The following MMS19 variants were observed in gnomAD, a reference collection of about 807,000 sequenced individuals.
The protein encoded by MMS19 is MMS19 cytosolic iron-sulfur assembly component, also known as MMS19 nucleotide excision repair protein homolog.
MMS19 carries 77 observed loss-of-function variants against 129.8 expected under a neutral mutation model. That is an observed-to-expected ratio of 0.59 (90% CI 0.49 to 0.72). The LOEUF (loss-of-function observed/expected upper bound fraction) is 0.72. Among genes scored for constraint, MMS19 ranks in the 30% least tolerant of loss-of-function variants. MMS19 has a pLI of 0.00. For synonymous variants in MMS19, 491 were observed against 502.8 expected (o/e 0.98, Z 0.31); for missense variants, 1,168 against 1,266.3 (o/e 0.92, Z 1.18).
chr10:97,465,972 G>A lies in MMS19; in HGVS notation c.1607-18C>T, dbSNP rs2033384816. The stretch of plus-strand genomic sequence containing the variant: ...TGACTCCCCTGAAAGCAACCCATGA[G>A]ACAAAGGTTTACTGTGTGATAGGAA... On this transcript the variant is annotated intron_variant, in intron 17 of 30. Coordinates refer to ENST00000438925, the MANE Select transcript of MMS19 (RefSeq NM_022362.5). 3.1e-6 allele frequency: 5 copies of A among 1,613,450 alleles called. No homozygotes were observed. The highest frequency in any genetic ancestry group is 2.7e-5 in the African/African-American group (2 of 74,938).
chr10:97,461,239 C>T (rs1054427085), intron 23 of MMS19: 1 of 605,010 alleles, frequency 1.7e-6, no homozygotes, highest in African/African-American at 1.8e-5. Context: ...AAGAATTATC[C>T]ACACTAGCCC....
At chr10:97,459,907 A>T in intron 26 of MMS19, 139 bp downstream of exon 26, 3 of 1,046,242 alleles carry the variant, frequency 2.9e-6, no homozygotes, top group Admixed American at 5.0e-5. Context: ...AAGTGGGACA[A>T]GAATCTAGAA....
chr10:97,480,452 T>C (rs1459314409), intron 3 of MMS19: 1 of 384,118 alleles, frequency 2.6e-6, no homozygotes, highest in South Asian at 2.0e-5. Flanking sequence ...TTGTCCTTTT[T>C]CCCCCTCAGG....
chr10:97,484,032 A>C, intron 2 of MMS19, 71 bp downstream of exon 2: 22 of 940,192 alleles, frequency 2.3e-5, no homozygotes, highest in Non-Finnish European at 3.3e-5. Flanking sequence ...GAAAGCAGCA[A>C]TGCGCAAAAG....
chr10:97,496,762 T>TAA (rs1252643788), intron 1 of MMS19, among the ~76,000 whole-genome samples: 1 of 152,190 alleles, frequency 6.6e-6, no homozygotes, highest in Non-Finnish European at 1.5e-5. Context: ...AACGTACACT[T>TAA]AAAGGTTTAT....
At position 97,461,845 on chromosome 10, in the gene MMS19, A is replaced by G. The variant is rs778660368; in HGVS notation, c.2167T>C (p.Cys723Arg). ...RLIALLMAFV[C>R]SLPRNVEIPQ... ...TCACTTACATTTCGAGGCAGGGAGC[A>G]GACAAAGGCCATAAGCAGTGCAATC... is the stretch of plus-strand genomic sequence containing the variant. The change falls in exon 22 of 31, where the codon TGC (cysteine) becomes CGC (arginine). Residue 723 changes from cysteine to arginine, a missense_variant. Physicochemically the swap from Cys to Arg is radical, Grantham distance 180. Coordinates refer to ENST00000438925, the MANE Select transcript of MMS19 (RefSeq NM_022362.5). The G allele has an allele frequency of 1.9e-6, 3 of 1,609,886 alleles. No individual in the cohort carries two copies.
In MMS19 at chr10:97,477,362, G is replaced by C. The variant is rs779462861; in HGVS notation, c.478C>G (p.Arg160Gly). 2 of 1,613,890 alleles carry C rather than the reference G, an allele frequency of 1.2e-6. No homozygotes were observed. Among genetic ancestry groups the C allele is most frequent in the Non-Finnish European group, 1.7e-6 (2 of 1,179,868 alleles). ...TVYNIITNFM[R>G]TREEELKSLG... is the part of the protein sequence containing the mutation. Reference sequence around the variant, plus strand: ...TGTCTCTTACCTTCTTCCCGGGTTCGCATAAAATTGGTGATGATATTGTAG... The same window carrying C: ...TGTCTCTTACCTTCTTCCCGGGTTCCCATAAAATTGGTGATGATATTGTAG... The change falls in exon 6 of 31, where the codon CGA becomes GGA. Residue 160 changes from arginine (R) to glycine (G), a missense_variant. By Grantham distance (125) the Arg-to-Gly change is moderately radical. Around this residue, in one of 3 missense-constraint regions of MMS19, gnomAD observed 329 missense variants for 328.6 expected, o/e 1.00. Transcript: ENST00000438925.
rs755604646 is a variant in MMS19, at chr10:97,484,155, C to T, written c.113-4G>A. ...GTATAGTTGCCAGATTTCACATCTG[C>T]AGGAAATAAAATAAATAAATATGAA... On this transcript the variant is annotated splice_region_variant and splice_polypyrimidine_tract_variant and intron_variant, in intron 1 of 30. Coordinates refer to ENST00000438925, the MANE Select transcript of MMS19 (RefSeq NM_022362.5). 7 of 1,489,748 alleles carry T rather than the reference C, an allele frequency of 4.7e-6. No homozygotes were observed. In the South Asian group the frequency reaches 7.9e-5, roughly 17 times the overall value. The allele number at this position is 1,489,748 out of a possible 1,614,324, so 92.3% of individuals were successfully genotyped here.
In MMS19 at chr10:97,498,259, G is replaced by C. The variant is rs1289399791; in HGVS notation, c.112+14C>G. Reference sequence around the variant, plus strand: ...GGCCCCCATGCGGAAGGCGCGCGGCGCCGTCTGCCGTACCTGCAGCCACCT... The same window carrying C: ...GGCCCCCATGCGGAAGGCGCGCGGCCCCGTCTGCCGTACCTGCAGCCACCT... On this transcript the variant is annotated intron_variant, in intron 1 of 30. Transcript: ENST00000438925. The C allele has an allele frequency of 6.5e-7, 1 of 1,539,914 alleles. No homozygotes were observed. Among genetic ancestry groups the C allele is most frequent in the East Asian group, 2.4e-5 (1 of 41,384 alleles).
chr10:97,472,725 T>G (rs2034987360), intron 8 of MMS19, among the ~76,000 whole-genome samples: 1 of 151,896 alleles, frequency 6.6e-6, no homozygotes. Context: ...TCCTCCCACC[T>G]CCACCTCCCG....
chr10:97,459,580 T>A, intron 27 of MMS19, 54 bp from the exon 28 acceptor site: 3 of 1,603,564 alleles, frequency 1.9e-6, no homozygotes, highest in Non-Finnish European at 2.6e-6. Flanking sequence ...ATCCTGGTTC[T>A]TGTTCCCTCC....
In MMS19 at chr10:97,498,313, G is replaced by A; in HGVS notation, c.72C>T (p.Val24=). 6.4e-7 allele frequency: 1 copy of A among 1,573,496 alleles called. No individual in the cohort carries two copies. Residue 24 remains valine, a synonymous_variant, in exon 1 of 31, where the codon GTC becomes GTT. Transcript: ENST00000438925. ...CAGCGGGGCCCTCTTGCTGACCCACGACGAAGTCGTGCACGAGGCCCCATA... is the reference window on the plus strand; with the variant it reads ...CAGCGGGGCCCTCTTGCTGACCCACAACGAAGTCGTGCACGAGGCCCCATA... ...GALWGLVHDF[V]VGQQEGPADQ...
intron 1 of MMS19, among the ~76,000 whole-genome samples, chr10:97,486,895 A>ATATATATATATATATATATATATATAT (rs57015711): frequency 2.9e-4 from 40 of 140,280 alleles, no homozygotes; most frequent in Non-Finnish European, 5.5e-4. Flanking sequence ...ATATATATAT[A>ATATATATATATATATATATATATATAT]AAATTAAGAC....
intron 11 of MMS19, 40 bp from the exon 12 acceptor site, chr10:97,469,144 C>A: frequency 1.3e-6 from 2 of 1,545,818 alleles, no homozygotes; most frequent in Non-Finnish European, 1.7e-6. Flanking sequence ...GGTGAGCCTG[C>A]ACCAGATGAG....
chr10:97,484,004 G>C, intron 2 of MMS19, 99 bp downstream of exon 2: 2 of 759,110 alleles, frequency 2.6e-6, no homozygotes, highest in Non-Finnish European at 4.5e-6. Flanking sequence ...TGGGCTACAA[G>C]ACAAATTCAG....
chr10:97,459,694 G>A lies in MMS19; in HGVS notation c.2704C>T (p.Leu902=), dbSNP rs769879641. 6.2e-7 allele frequency: 1 copy of A among 1,612,658 alleles called. No homozygotes were observed. Among genetic ancestry groups the A allele is most frequent in the African/African-American group, 1.3e-5 (1 of 75,006 alleles). The change falls in exon 27 of 31, where the codon CTG becomes TTG. Residue 902 remains leucine, a synonymous_variant. Transcript: ENST00000438925. ...LKGLSHVLNR[L]PKPVLLPELP... ...TCTGGCAAGAGTACAGGCTTGGGCA[G>A]CCTGTTAAGTACATGAGAAAGACCC...
At chr10:97,493,730 C>T (rs946139749) in intron 1 of MMS19, among the ~76,000 whole-genome samples, 3 of 152,048 alleles carry the variant, frequency 2.0e-5, no homozygotes, top group Non-Finnish European at 2.9e-5. Context: ...TTAAAAATAA[C>T]CAGGGTTGGC....
At position 97,462,653 on chromosome 10, in the gene MMS19, G is replaced by A. The variant is rs896442900; in HGVS notation, c.1942C>T (p.Leu648=). 6.2e-7 allele frequency: 1 copy of A among 1,613,838 alleles called. No individual in the cohort carries two copies. ...EKEPSVLRKV[L]LEDEVLAAMV... ...GCAGCCAACACCTCATCCTCCAATA[G>A]TACTTTTCTCAGAACTGAGGGCTCC... Residue 648 remains leucine, a synonymous_variant, in exon 20 of 31, where the codon CTA becomes TTA. Coordinates refer to ENST00000438925, the MANE Select transcript of MMS19 (RefSeq NM_022362.5).
chr10:97,493,257 CACCTCAGCCTCCCAA>C (rs1564712052), intron 1 of MMS19, among the ~76,000 whole-genome samples: 1 of 152,110 alleles, frequency 6.6e-6, no homozygotes. Context: ...GCAATCCTCC[CACCTCAGCCTCCCAA>C]AGTGCTGGGA....
Sources: allele counts gnomAD v4.1 joint callset (sites outside exome capture counted in the v4.1 genomes callset), GRCh38; gene constraint gnomAD v4.1.1; regional missense constraint gnomAD v4.1.1; transcripts MANE v1.5; gene names NCBI Gene and HGNC (gene_info 2026-07-23, HGNC 2026-07-21).